The following SKAP2 variants were observed in gnomAD, a reference collection of about 807,000 sequenced individuals.
SKAP2 encodes the protein src kinase-associated phosphoprotein 2.
Under a neutral mutation model 54.9 loss-of-function variants are expected in SKAP2, and 28 were observed. That is an observed-to-expected ratio of 0.51 (90% CI 0.38 to 0.70). The LOEUF (loss-of-function observed/expected upper bound fraction) is 0.70. Among genes scored for constraint, SKAP2 ranks in the 30% least tolerant of loss-of-function variants. The pLI is 0.00. For missense variants in SKAP2, 356 were observed against 424.1 expected (o/e 0.84, Z 1.41); for synonymous variants, 137 against 134.3 (o/e 1.02, Z -0.14).
Position 26,839,572 on chromosome 7 carries a change from C to T in SKAP2, c.307+4458G>A, listed in dbSNP as rs571224605. On this transcript the variant is annotated intron_variant, in intron 4 of 12. Transcript: ENST00000345317. The stretch of plus-strand genomic sequence containing the variant: ...CAAAAATATGATAGTGGGTTAAAAA[C>T]ACCCTAAATGCTAAGTTATTGAAAA... Among the ~76,000 whole-genome samples the T allele has an allele frequency of 3.3e-5, 5 of 152,086 alleles. No individual in the cohort carries two copies. The South Asian group carries it at 1.0e-3, about 32-fold the overall frequency.
In SKAP2 at chr7:26,826,463, A is replaced by C. The variant is rs573481197; in HGVS notation, c.307+17567T>G. Among the ~76,000 whole-genome samples the C allele has an allele frequency of 3.3e-5, 5 of 152,312 alleles. No individual in the cohort carries two copies. In the East Asian group the frequency reaches 9.7e-4, roughly 29 times the overall value. ...AAACTTCCCTTTCTGCTTTGTGCTTAAGCCAGTTTGAGTTGGGTTTCTTTT... is the reference window on the plus strand; with the variant it reads ...AAACTTCCCTTTCTGCTTTGTGCTTCAGCCAGTTTGAGTTGGGTTTCTTTT... On this transcript the variant is annotated intron_variant, in intron 4 of 12. Transcript: ENST00000345317.
rs79519505 is a variant in SKAP2, at chr7:26,852,047, G to T, written c.199+2090C>A. 4.7e-3 allele frequency among the ~76,000 whole-genome samples: 714 copies of T among 152,222 alleles called. 6 individuals are homozygous for T. The highest frequency in any genetic ancestry group is 0.016 in the African/African-American group (669 of 41,534). On this transcript the variant is annotated intron_variant, in intron 3 of 12. Coordinates refer to ENST00000345317, the MANE Select transcript of SKAP2 (RefSeq NM_003930.5). ...AGGTAGAAAGGAGGAAAAAGGTTATGTTCACAATGTGACCCTACATTGACT... is the reference window on the plus strand; with the variant it reads ...AGGTAGAAAGGAGGAAAAAGGTTATTTTCACAATGTGACCCTACATTGACT...
chr7:26,709,314 A>T (rs1406840680), intron 9 of SKAP2, among the ~76,000 whole-genome samples: 1 of 152,196 alleles, frequency 6.6e-6, no homozygotes, highest in Non-Finnish European at 1.5e-5. Flanking sequence ...AATTGGGAGC[A>T]GGACTCATAA....
chr7:26,708,918 G>A (rs1460931485), intron 9 of SKAP2, among the ~76,000 whole-genome samples: 1 of 152,060 alleles, frequency 6.6e-6, no homozygotes, highest in Non-Finnish European at 1.5e-5. Context: ...AAAATTGGGT[G>A]TTTTCTTTTT....
intron 4 of SKAP2, among the ~76,000 whole-genome samples, chr7:26,787,456 G>C (rs1391424626): frequency 6.6e-6 from 1 of 152,048 alleles, no homozygotes; most frequent in Non-Finnish European, 1.5e-5. Context: ...CTGAGTAGCT[G>C]AGACTACAGG....
intron 4 of SKAP2, among the ~76,000 whole-genome samples, chr7:26,798,442 G>A (rs1783831542): frequency 6.6e-6 from 1 of 151,934 alleles, no homozygotes; most frequent in Non-Finnish European, 1.5e-5. Flanking sequence ...CTTTAAATAG[G>A]AGAATTGGTC....
Position 26,787,551 on chromosome 7 carries a change from T to A in SKAP2, c.308-47587A>T, listed in dbSNP as rs568171031. ...GTTAGTGGCCAGGCTGGTATTGAAC[T>A]CCTGACCTCAAGTGATCCACCTGCC... On this transcript the variant is annotated intron_variant, in intron 4 of 12. Transcript: ENST00000345317. Among the ~76,000 whole-genome samples the A allele has an allele frequency of 1.4e-4, 21 of 152,224 alleles. No individual in the cohort carries two copies. In the South Asian group the frequency reaches 4.4e-3, roughly 32 times the overall value.
chr7:26,713,256 T>C (rs570103321), intron 9 of SKAP2, among the ~76,000 whole-genome samples: 14 of 152,336 alleles, frequency 9.2e-5, no homozygotes, highest in African/African-American at 3.1e-4. Context: ...TCTTTAACCA[T>C]AGAATACACA....
At chr7:26,759,384 G>A (rs1782873790) in intron 4 of SKAP2, among the ~76,000 whole-genome samples, 1 of 152,178 alleles carries the variant, frequency 6.6e-6, no homozygotes, top group African/African-American at 2.4e-5. Context: ...TGTAAAAGCA[G>A]CAGCTAATCC....
At chr7:26,846,960 G>A (rs1287779015) in intron 3 of SKAP2, among the ~76,000 whole-genome samples, 2 of 152,088 alleles carry the variant, frequency 1.3e-5, no homozygotes, top group African/African-American at 4.8e-5. Context: ...TTATGCCACT[G>A]CACTCCAGCC....
At chr7:26,793,280 A>C (rs2127982171) in intron 4 of SKAP2, among the ~76,000 whole-genome samples, 2 of 152,330 alleles carry the variant, frequency 1.3e-5, no homozygotes, top group Middle Eastern at 6.8e-3. Context: ...CAAAATGAGA[A>C]AAGGTTCAGG....
chr7:26,655,097 C>A, the SKAP2 span, among the ~76,000 whole-genome samples: 1 of 152,166 alleles, frequency 6.6e-6, no homozygotes, highest in African/African-American at 2.4e-5. Context: ...ATCACCACTG[C>A]TAAAAGCAGT....
chr7:26,796,396 G>A (rs578143107), intron 4 of SKAP2, among the ~76,000 whole-genome samples: 13 of 152,256 alleles, frequency 8.5e-5, no homozygotes, highest in Admixed American at 2.6e-4. Context: ...ATTGCATATC[G>A]CAGTAAAAAG....
At chr7:26,846,848 G>A (rs997666503) in intron 3 of SKAP2, among the ~76,000 whole-genome samples, 2 of 152,080 alleles carry the variant, frequency 1.3e-5, no homozygotes, top group Admixed American at 1.3e-4. Flanking sequence ...GGGCATGATG[G>A]CAGGCACCTG....
At chr7:26,694,671 A>G (rs1370882200) in intron 9 of SKAP2, among the ~76,000 whole-genome samples, 1 of 151,828 alleles carries the variant, frequency 6.6e-6, no homozygotes, top group Non-Finnish European at 1.5e-5. Flanking sequence ...TAAAAAAAAA[A>G]ACAACTGCAC....
intron 4 of SKAP2, among the ~76,000 whole-genome samples, chr7:26,746,871 A>G (rs1023022924): frequency 2.1e-4 from 32 of 152,286 alleles, no homozygotes; most frequent in African/African-American, 7.7e-4. Flanking sequence ...AACAACTAGT[A>G]ACTTCTTTTA....
At chr7:26,702,645 G>A (rs1468576969) in intron 9 of SKAP2, among the ~76,000 whole-genome samples, 2 of 152,142 alleles carry the variant, frequency 1.3e-5, no homozygotes, top group Non-Finnish European at 2.9e-5. Flanking sequence ...GGTGGGGAGA[G>A]AGTCACACTC....
At chr7:26,855,139 G>T in intron 1 of SKAP2, 1 of 243,410 alleles carries the variant, frequency 4.1e-6, no homozygotes, top group Non-Finnish European at 7.9e-6. Context: ...CTATTTGGAT[G>T]TTTGGCATCA....
chr7:26,839,539 T>C (rs1162462418), intron 4 of SKAP2, among the ~76,000 whole-genome samples: 2 of 152,110 alleles, frequency 1.3e-5, no homozygotes, highest in African/African-American at 2.4e-5. Flanking sequence ...AAAGATAATT[T>C]TAGGTGTCAA....
Sources: gnomAD v4.1 joint callset for allele counts (sites outside exome capture counted in the v4.1 genomes callset) on GRCh38, gnomAD v4.1.1 for gene constraint, MANE v1.5 for transcripts, NCBI Gene and HGNC (gene_info 2026-07-23, HGNC 2026-07-21) for gene names.